Variants in TMX3 observed in about 807,000 individuals in gnomAD.
TMX3 encodes thioredoxin related transmembrane protein 3, also known as protein disulfide-isomerase TMX3.
A neutral mutation model predicts 64.4 loss-of-function variants in TMX3; 40 were observed. That is an observed-to-expected ratio of 0.62 (90% CI 0.48 to 0.81). TMX3 has a LOEUF of 0.81. Among genes scored for constraint, TMX3 ranks in the 30% least tolerant of loss-of-function variants. The pLI, the probability that TMX3 is intolerant of heterozygous loss-of-function variation, is 0.00. For synonymous variants in TMX3, 189 were observed against 175.7 expected (o/e 1.08, Z -0.60); for missense variants, 497 against 534.5 (o/e 0.93, Z 0.69).
At chr18:68,677,238 T>C in intron 15 of TMX3, 45 bp from the exon 16 acceptor site, 3 of 1,567,974 alleles carry the variant, frequency 1.9e-6, no homozygotes, top group East Asian at 2.2e-5. Flanking sequence ...CATGTAATTC[T>C]GATATATATA....
chr18:68,683,981 G>A (rs1033935051), intron 12 of TMX3, among the ~76,000 whole-genome samples: 1 of 152,056 alleles, frequency 6.6e-6, no homozygotes, highest in African/African-American at 2.4e-5. Context: ...CAAAATTATA[G>A]TATATGTAGC....
rs949339057 is a variant in TMX3, at chr18:68,691,856, G to A, written c.571-495C>T. On this transcript the variant is annotated intron_variant, in intron 8 of 15. Transcript: ENST00000299608. ...GTAGTAATAAGGGATCATTCAGAAAGTACCAGCTGCTTATAGCTGAGCTGT... is the reference window on the plus strand; with the variant it reads ...GTAGTAATAAGGGATCATTCAGAAAATACCAGCTGCTTATAGCTGAGCTGT... 5.9e-5 allele frequency among the ~76,000 whole-genome samples: 9 copies of A among 152,160 alleles called. 1 individual carries two copies. Among genetic ancestry groups the A allele is most frequent in the African/African-American group, 2.2e-4 (9 of 41,436 alleles).
At chr18:68,685,975 TG>T (rs1913912663) in intron 10 of TMX3, among the ~76,000 whole-genome samples, 3 of 152,174 alleles carry the variant, frequency 2.0e-5, no homozygotes, top group Admixed American at 6.5e-5. Context: ...CAAGCAAACT[TG>T]GGTAAAAATG....
rs770677336 is a variant in TMX3, at chr18:68,697,961, C to T, written c.463G>A (p.Val155Ile). ...AAAGGTGATTCTCCACCTACATAAA[C>T]GAAAAATACACGGTGTCTCTTCTGC... Reference protein sequence around the residue: ...HMQKRHRVFFVYVGGESPLKE... With the variant: ...HMQKRHRVFFIYVGGESPLKE... The change falls in exon 7 of 16, where the codon GTT (valine) becomes ATT (isoleucine). Residue 155 changes from valine (V) to isoleucine (I), a missense_variant. Val to Ile is a conservative substitution (Grantham distance 29). Around this residue, in one of 3 missense-constraint regions of TMX3, gnomAD observed 360 missense variants for 383.5 expected, o/e 0.94. Coordinates refer to ENST00000299608, the MANE Select transcript of TMX3 (RefSeq NM_019022.5). 10 of 1,611,668 alleles carry T rather than the reference C, an allele frequency of 6.2e-6. No homozygotes were observed. The highest frequency in any genetic ancestry group is 1.3e-5 in the African/African-American group (1 of 74,866).
At chr18:68,689,317 G>A (rs961197732) in intron 9 of TMX3, among the ~76,000 whole-genome samples, 4 of 151,624 alleles carry the variant, frequency 2.6e-5, no homozygotes, top group African/African-American at 9.7e-5. Context: ...ACAGGGGGAT[G>A]CTTTCCTAGG....
rs764864149 is a variant in TMX3, at chr18:68,682,934, A to T, written c.896T>A (p.Leu299Ter). 1 of 1,607,142 alleles carries T rather than the reference A, an allele frequency of 6.2e-7. No individual in the cohort carries two copies. ...TCAGCACTTTACTTACTCCATCAGCAAGGTATTTATGTAGTCATTTCCATC... is the reference window on the plus strand; with the variant it reads ...TCAGCACTTTACTTACTCCATCAGCTAGGTATTTATGTAGTCATTTCCATC... ...HMDGNDYINT[L>*]LMDELTVPTV... The change falls in exon 13 of 16, where the codon TTG (leucine) becomes TAG (stop). Residue 299 changes from leucine (L) to a stop codon, truncating the protein, a stop_gained. Transcript: ENST00000299608. LOFTEE classifies it high-confidence loss of function.
rs1282820587 is a variant in TMX3 at position 68,678,702 on chromosome 18, G to GAAA, written c.1104+758_1104+760dup. ...AGAGGTGACAGTGAAGAAAGTCAAG[G>GAAA]AAATATATTTAGAAAGTATAATTAT... On this transcript the variant is annotated intron_variant, in intron 15 of 15. Coordinates refer to ENST00000299608, the MANE Select transcript of TMX3 (RefSeq NM_019022.5). Among the ~76,000 whole-genome samples, 4 of 152,110 alleles carry GAAA rather than the reference G, an allele frequency of 2.6e-5. No individual in the cohort carries two copies. In the East Asian group the frequency reaches 7.7e-4, roughly 29 times the overall value.
intron 14 of TMX3, among the ~76,000 whole-genome samples, chr18:68,680,173 C>T (rs375147269): frequency 2.0e-5 from 3 of 151,884 alleles, no homozygotes; most frequent in Non-Finnish European, 4.4e-5. Flanking sequence ...TCACCTTGAC[C>T]GAAAGTAGTT....
At chr18:68,688,939 T>C (rs192857852) in intron 9 of TMX3, 102 of 152,334 alleles carry the variant, frequency 6.7e-4, no homozygotes, top group African/African-American at 2.3e-3. Flanking sequence ...AAACTACCTG[T>C]TGGGTACTAT....
intron 13 of TMX3, among the ~76,000 whole-genome samples, chr18:68,682,698 T>C (rs1264091919): frequency 6.8e-6 from 1 of 147,414 alleles, no homozygotes; most frequent in Non-Finnish European, 1.5e-5. Context: ...AAACATTAAA[T>C]CAGGAGATAA....
intron 10 of TMX3, among the ~76,000 whole-genome samples, chr18:68,686,217 G>A (rs1363747821): frequency 6.6e-6 from 1 of 152,124 alleles, no homozygotes; most frequent in Non-Finnish European, 1.5e-5. Flanking sequence ...ATGCCTAACA[G>A]GGGCAATTAT....
chr18:68,676,827 G>T lies in TMX3; in HGVS notation c.*106C>A. ...CATGCAGTTGATATTAGCAAAATAC[G>T]AATAACATGTTCTTTTCTGTAAAGA... On this transcript the variant is annotated 3_prime_UTR_variant, in exon 16 of 16. Coordinates refer to ENST00000299608, the MANE Select transcript of TMX3 (RefSeq NM_019022.5). 7.2e-7 allele frequency: 1 copy of T among 1,395,572 alleles called. No homozygotes were observed. The highest frequency in any genetic ancestry group is 9.6e-7 in the Non-Finnish European group (1 of 1,043,202). The allele number at this position is 1,395,572 out of a possible 1,614,324, so 86.4% of individuals were successfully genotyped here. A position where few individuals can be genotyped will look rare whatever the true frequency, so the allele number is the denominator to read the frequency against.
At chr18:68,686,503 G>A (rs1468395675) in intron 10 of TMX3, among the ~76,000 whole-genome samples, 1 of 152,140 alleles carries the variant, frequency 6.6e-6, no homozygotes, top group Non-Finnish European at 1.5e-5. Context: ...GAGGTCAGGA[G>A]ATCGAGCCCA....
chr18:68,681,048 T>C lies in TMX3; in HGVS notation c.968A>G (p.Asp323Gly), dbSNP rs368895842. The C allele has an allele frequency of 1.2e-6, 2 of 1,603,626 alleles. No homozygotes were observed. The highest frequency in any genetic ancestry group is 1.7e-5 in the Admixed American group (1 of 58,356). ...GTCTTCAACATTCTTAATCTGTCTATCTAGCAAGAAATATTGCTGGTTTGA... is the reference window on the plus strand; with the variant it reads ...GTCTTCAACATTCTTAATCTGTCTACCTAGCAAGAAATATTGCTGGTTTGA... ...NTSNQQYFLLDRQIKNVEDMV... is the reference protein window; with the variant it reads ...NTSNQQYFLLGRQIKNVEDMV... The change falls in exon 14 of 16, where the codon GAT becomes GGT. Residue 323 changes from aspartate (D) to glycine (G), a missense_variant. This residue lies in a region of TMX3 where 360 missense variants were observed against 383.5 expected (regional missense o/e 0.94). Transcript: ENST00000299608.
chr18:68,687,925 G>C, intron 9 of TMX3, 160 bp from the exon 10 acceptor site: 1 of 452,736 alleles, frequency 2.2e-6, no homozygotes, highest in Non-Finnish European at 3.8e-6. Context: ...CAAATGTACA[G>C]AAGGATTAAT....
At chr18:68,712,702 C>A (rs866715157) in intron 2 of TMX3, among the ~76,000 whole-genome samples, 1 of 152,056 alleles carries the variant, frequency 6.6e-6, no homozygotes, top group Non-Finnish European at 1.5e-5. Flanking sequence ...GTGACACACC[C>A]CACAAGGCAC....
Position 68,676,617 on chromosome 18 carries a change from T to C in TMX3, c.*316A>G, listed in dbSNP as rs528448868. The C allele has an allele frequency of 1.6e-4, 43 of 263,910 alleles. No homozygotes were observed. The highest frequency in any genetic ancestry group is 1.2e-3 in the Middle Eastern group (1 of 828). The allele number at this position is 263,910 out of a possible 1,614,324, so 16.3% of individuals were successfully genotyped here. A position where few individuals can be genotyped will look rare whatever the true frequency, so the allele number is the denominator to read the frequency against. ...TCTACCTGACTGACCAATTTAAATA[T>C]TCTGCCCAAGAATCTTAACTTTTTG... is the stretch of plus-strand genomic sequence containing the variant. On this transcript the variant is annotated 3_prime_UTR_variant, in exon 16 of 16. Coordinates refer to ENST00000299608, the MANE Select transcript of TMX3 (RefSeq NM_019022.5).
intron 10 of TMX3, chr18:68,686,668 C>G (rs1392691220): frequency 2.1e-6 from 2 of 943,416 alleles, no homozygotes; most frequent in Admixed American, 6.2e-5. Flanking sequence ...GATCACGTCA[C>G]TGCACTCCAG....
At chr18:68,686,856 G>A in intron 10 of TMX3, 1 of 985,128 alleles carries the variant, frequency 1.0e-6, no homozygotes, top group Non-Finnish European at 1.2e-6. Context: ...CTCAGGAACA[G>A]AACAGAAATA....
Sources: allele counts gnomAD v4.1 joint callset (sites outside exome capture counted in the v4.1 genomes callset), GRCh38; gene constraint gnomAD v4.1.1; regional missense constraint gnomAD v4.1.1; transcripts MANE v1.5; gene names NCBI Gene and HGNC (gene_info 2026-07-23, HGNC 2026-07-21).